MICU2: variants seen among roughly 807,000 people sequenced by gnomAD.
MICU2 encodes the protein mitochondrial calcium uptake 2.
A neutral mutation model predicts 60.4 loss-of-function variants in MICU2; 64 were observed. That is an observed-to-expected ratio of 1.06 (90% CI 0.87 to 1.31). The LOEUF (loss-of-function observed/expected upper bound fraction) is 1.31, where lower values mean the gene tolerates loss of function less well. Among genes scored for constraint, MICU2 ranks in the 50% most tolerant of loss-of-function variants. The pLI, the probability that MICU2 is intolerant of heterozygous loss-of-function variation, is 0.00. For missense variants in MICU2, 569 were observed against 531.0 expected, an observed-to-expected ratio of 1.07 and a Z score of -0.70; for synonymous variants, 201 against 175.0, an observed-to-expected ratio of 1.15 and a Z score of -1.17.
At chr13:21,567,038 T>C (rs1888001729) in intron 1 of MICU2, 94 bp from the exon 2 acceptor site, 1 of 1,058,904 alleles carries the variant, frequency 9.4e-7, no homozygotes, top group African/African-American at 1.6e-5. Context: ...CACGCTTGGA[T>C]CTGACAATCC....
intron 4 of MICU2, among the ~76,000 whole-genome samples, chr13:21,533,208 C>T (rs770035583): frequency 6.6e-6 from 1 of 151,834 alleles, no homozygotes; most frequent in Non-Finnish European, 1.5e-5. Context: ...TTAAATTCCA[C>T]GGTGTATAGG....
rs201526749 is a variant in MICU2, at chr13:21,603,921, A to T, written c.210+18T>A. The T allele has an allele frequency of 6.3e-7, 1 of 1,596,248 alleles. No individual in the cohort carries two copies. Among genetic ancestry groups the T allele is most frequent in the Admixed American group, 1.7e-5 (1 of 59,476 alleles). On this transcript the variant is annotated intron_variant, in intron 1 of 11. Coordinates refer to ENST00000382374, the MANE Select transcript of MICU2 (RefSeq NM_152726.3). ...GGAGGAGCTTGACTGGGGCTAGCAG[A>T]AGGAGTTAGTCCTGTACCTGTGCGG...
Position 21,514,333 on chromosome 13 carries a change from T to G in MICU2, c.663+20A>C. On this transcript the variant is annotated intron_variant, in intron 7 of 11. Transcript: ENST00000382374. ...GTAGCTATTATAAATATCAATTGTT[T>G]GGAAATCATCTGTACATACCTGATA... is the stretch of plus-strand genomic sequence containing the variant. 6.3e-7 allele frequency: 1 copy of G among 1,580,744 alleles called. No individual in the cohort carries two copies. The highest frequency in any genetic ancestry group is 8.6e-7 in the Non-Finnish European group (1 of 1,158,872).
rs1449280978 is a variant in MICU2, at chr13:21,603,940, T to C, written c.209A>G (p.Gln70Arg). Residue 70 changes from glutamine (Q) to arginine (R), a missense_variant and splice_region_variant, in exon 1 of 12, where the codon CAG (glutamine) becomes CGG (arginine). Physicochemically the swap from Gln to Arg is conservative, Grantham distance 43 (BLOSUM62 1). Transcript: ENST00000382374. ...ARDGSFTVSA[Q>R]KNVEHGIIYI... ...TAGCAGAAGGAGTTAGTCCTGTACCTGTGCGGAGACTGTAAAACTGCCATC... is the reference window on the plus strand; with the variant it reads ...TAGCAGAAGGAGTTAGTCCTGTACCCGTGCGGAGACTGTAAAACTGCCATC... 1 of 1,612,344 alleles carries C rather than the reference T, an allele frequency of 6.2e-7. No homozygotes were observed. The highest frequency in any genetic ancestry group is 8.5e-7 in the Non-Finnish European group (1 of 1,179,580).
intron 2 of MICU2, among the ~76,000 whole-genome samples, chr13:21,546,489 G>A (rs537245016): frequency 1.3e-5 from 2 of 152,110 alleles, no homozygotes; most frequent in Admixed American, 6.5e-5. Context: ...TTAAGTGTAC[G>A]AATTAGCTTA....
intron 1 of MICU2, among the ~76,000 whole-genome samples, chr13:21,593,776 TG>T (rs1254693989): frequency 1.3e-5 from 2 of 151,962 alleles, no homozygotes; most frequent in Non-Finnish European, 2.9e-5. Flanking sequence ...AAACAAGCAA[TG>T]GGGAAAGGAT....
rs1566143512 is a variant in MICU2 at position 21,514,431 on chromosome 13, C to G, written c.598-13G>C. The G allele has an allele frequency of 1.9e-6, 3 of 1,609,562 alleles. No individual in the cohort carries two copies. The South Asian group carries it at 3.3e-5, about 18-fold the overall frequency. ...TGATCTTCTGCAGCTAAAAAGATTA[C>G]AAACATGAGTTTACATGTGTGCCTA... On this transcript the variant is annotated splice_polypyrimidine_tract_variant and intron_variant, in intron 6 of 11. Coordinates refer to ENST00000382374, the MANE Select transcript of MICU2 (RefSeq NM_152726.3).
At chr13:21,600,588 A>G (rs951422967) in intron 1 of MICU2, among the ~76,000 whole-genome samples, 5 of 152,210 alleles carry the variant, frequency 3.3e-5, no homozygotes, top group African/African-American at 9.7e-5. Context: ...TTGTGAAAGG[A>G]AGAAAGTAAA....
At chr13:21,566,998 C>T (rs1170382954) in intron 1 of MICU2, 54 bp from the exon 2 acceptor site, 3 of 1,427,558 alleles carry the variant, frequency 2.1e-6, no homozygotes, top group Non-Finnish European at 2.8e-6. Flanking sequence ...TTCCCAGTCA[C>T]TTCTAGGACA....
rs762484423 is a variant in MICU2 at position 21,603,993 on chromosome 13, G to C, written c.156C>G (p.His52Gln). Residue 52 changes from histidine to glutamine, a missense_variant, in exon 1 of 12, where the codon CAC (histidine) becomes CAG (glutamine). Physicochemically the swap from His to Gln is conservative, Grantham distance 24 (BLOSUM62 0). Transcript: ENST00000382374. ...GCGCCGCAACACTGACGCGGCTGTG[G>C]TGCCAGGCCGCTCCTGCTCCTGCCA... The part of the protein sequence containing the change: ...AALAGAGAAW[H>Q]HSRVSVAARD... The C allele has an allele frequency of 6.2e-7, 1 of 1,611,728 alleles. No individual in the cohort carries two copies. Among genetic ancestry groups the C allele is most frequent in the Non-Finnish European group, 8.5e-7 (1 of 1,179,534 alleles).
At chr13:21,591,616 C>A (rs1051199620) in intron 1 of MICU2, among the ~76,000 whole-genome samples, 6 of 152,172 alleles carry the variant, frequency 3.9e-5, no homozygotes, top group African/African-American at 1.4e-4. Flanking sequence ...AAACTGATCA[C>A]ATAATTGGAA....
intron 8 of MICU2, among the ~76,000 whole-genome samples, chr13:21,509,682 T>A (rs1285475462): frequency 6.6e-6 from 1 of 152,214 alleles, no homozygotes; most frequent in Non-Finnish European, 1.5e-5. Context: ...TTGTTTTAAG[T>A]TGGGTTGGTT....
chr13:21,516,609 T>C (rs1470094062), intron 6 of MICU2, among the ~76,000 whole-genome samples: 2 of 152,220 alleles, frequency 1.3e-5, no homozygotes, highest in African/African-American at 4.8e-5. Context: ...TTTAACTTTA[T>C]AAGAAACTGC....
intron 2 of MICU2, among the ~76,000 whole-genome samples, chr13:21,546,711 G>T (rs1485230908): frequency 3.9e-5 from 6 of 152,120 alleles, no homozygotes; most frequent in Non-Finnish European, 8.8e-5. Context: ...GTAGCTAGGT[G>T]GTTGGGTAAT....
At chr13:21,519,283 G>A (rs1886657589) in intron 6 of MICU2, among the ~76,000 whole-genome samples, 1 of 152,006 alleles carries the variant, frequency 6.6e-6, no homozygotes, top group Non-Finnish European at 1.5e-5. Flanking sequence ...GTCTCAAACT[G>A]CTGACCTCAG....
chr13:21,577,838 A>G (rs1888260028), intron 1 of MICU2, among the ~76,000 whole-genome samples: 1 of 149,118 alleles, frequency 6.7e-6, no homozygotes, highest in Non-Finnish European at 1.5e-5. Flanking sequence ...AGTTACCCAC[A>G]TGTGGTGGCG....
chr13:21,550,943 A>G (rs541213877), intron 2 of MICU2, among the ~76,000 whole-genome samples: 1 of 152,314 alleles, frequency 6.6e-6, no homozygotes, highest in Non-Finnish European at 1.5e-5. Flanking sequence ...CTGTACTATC[A>G]ACTATACAAT....
At chr13:21,593,571 C>CAAAAAAAAAAAAAAAAAAAAAAAA (rs71093338) in intron 1 of MICU2, among the ~76,000 whole-genome samples, 4 of 63,030 alleles carry the variant, frequency 6.3e-5, no homozygotes, top group African/African-American at 2.0e-4. Context: ...CAATCCTAAG[C>CAAAAAAAAAAAAAAAAAAAAAAAA]AAAAAAAAAA....
At chr13:21,508,613 G>GT (rs758963371) in intron 8 of MICU2, among the ~76,000 whole-genome samples, 55 of 152,192 alleles carry the variant, frequency 3.6e-4, no homozygotes, top group Admixed American at 1.7e-3. Flanking sequence ...CTTCACACAG[G>GT]TAAGTTCATA....
Sources: allele counts gnomAD v4.1 joint callset (sites outside exome capture counted in the v4.1 genomes callset), GRCh38; gene constraint gnomAD v4.1.1; transcripts MANE v1.5; gene names NCBI Gene and HGNC (gene_info 2026-07-23, HGNC 2026-07-21).